The following EPHB1 variants were observed in gnomAD, a reference collection of about 807,000 sequenced individuals.
EPHB1 encodes ephrin type-B receptor 1.
In EPHB1, 30 loss-of-function variants were observed where a neutral mutation model predicts 94.4. The ratio of observed to expected loss-of-function variants is 0.32; its 90% CI spans 0.24 to 0.43. The LOEUF is 0.43. Among genes scored for constraint, EPHB1 ranks in the 20% least tolerant of loss-of-function variants. The probability of loss-of-function intolerance (pLI) is 1.00; values close to 1 mark genes in which losing one functional copy is unlikely to be tolerated. For synonymous variants in EPHB1, 522 were observed against 489.1 expected, an observed-to-expected ratio of 1.07 and a Z score of -0.89; for missense variants, 1,055 against 1,308.3, an observed-to-expected ratio of 0.81 and a Z score of 2.99.
intron 3 of EPHB1, among the ~76,000 whole-genome samples, chr3:134,955,075 T>C (rs1284291293): frequency 7.5e-5 from 2 of 26,648 alleles, no homozygotes; most frequent in Non-Finnish European, 1.3e-4. Flanking sequence ...TCCTTTCTTT[T>C]TTTTTTTTTT....
chr3:135,009,808 A>G (rs1935557013), intron 3 of EPHB1, among the ~76,000 whole-genome samples: 1 of 152,264 alleles, frequency 6.6e-6, no homozygotes. Flanking sequence ...AGCATTATTT[A>G]AATCTGTTCT....
intron 6 of EPHB1, among the ~76,000 whole-genome samples, chr3:135,154,887 G>A (rs1044257930): frequency 1.1e-4 from 16 of 152,216 alleles, no homozygotes; most frequent in Admixed American, 4.6e-4. Context: ...GCCTGGTGGA[G>A]CTGGTCCCTG....
intron 11 of EPHB1, among the ~76,000 whole-genome samples, chr3:135,200,545 G>A (rs1169398341): frequency 6.6e-6 from 1 of 152,156 alleles, no homozygotes; most frequent in Admixed American, 6.5e-5. Context: ...TTGGAAAGAG[G>A]AAAAGATGTA....
intron 1 of EPHB1, among the ~76,000 whole-genome samples, chr3:134,921,241 C>T (rs1409303648): frequency 6.6e-6 from 1 of 152,142 alleles, no homozygotes; most frequent in African/African-American, 2.4e-5. Flanking sequence ...CCCACTGTTG[C>T]TTTTAGGAGT....
intron 3 of EPHB1, among the ~76,000 whole-genome samples, chr3:135,046,734 C>A (rs1302078935): frequency 6.6e-6 from 1 of 152,198 alleles, no homozygotes; most frequent in Non-Finnish European, 1.5e-5. Context: ...ATTCTGATGT[C>A]CCCTAAAGTT....
chr3:135,242,016 C>T (rs189741100), intron 13 of EPHB1, among the ~76,000 whole-genome samples: 605 of 152,280 alleles, frequency 4.0e-3, no homozygotes, highest in African/African-American at 0.014. Context: ...TAAATAGAGG[C>T]TTTTTGGAAT....
chr3:135,049,967 G>A (rs1937122213), intron 3 of EPHB1, among the ~76,000 whole-genome samples: 1 of 152,164 alleles, frequency 6.6e-6, no homozygotes, highest in East Asian at 1.9e-4. Flanking sequence ...GGTACCCCGG[G>A]ACCCTGAGGA....
intron 2 of EPHB1, among the ~76,000 whole-genome samples, chr3:134,932,025 GTGTT>G (rs1290177954): frequency 6.7e-6 from 1 of 148,928 alleles, no homozygotes; most frequent in Non-Finnish European, 1.5e-5. Flanking sequence ...GTATGTGTGT[GTGTT>G]TGTGTGTGTG....
intron 1 of EPHB1, among the ~76,000 whole-genome samples, chr3:134,891,960 G>A (rs540167730): frequency 2.4e-4 from 37 of 152,310 alleles, no homozygotes; most frequent in Admixed American, 2.0e-3. Flanking sequence ...TCCTACTGTA[G>A]CTCATATCAT....
At chr3:134,914,486 G>A (rs529364761) in intron 1 of EPHB1, among the ~76,000 whole-genome samples, 2 of 152,276 alleles carry the variant, frequency 1.3e-5, no homozygotes, top group East Asian at 3.9e-4. Flanking sequence ...TCACACCCAA[G>A]GCTATCAGAT....
chr3:134,828,732 G>A (rs62272419), intron 1 of EPHB1, among the ~76,000 whole-genome samples: 1 of 152,214 alleles, frequency 6.6e-6, no homozygotes, highest in African/African-American at 2.4e-5. Context: ...GCAGGCCAGG[G>A]AAGGGGTCTA....
chr3:135,030,768 T>A (rs368534410), intron 3 of EPHB1, among the ~76,000 whole-genome samples: 5 of 152,204 alleles, frequency 3.3e-5, no homozygotes, highest in Non-Finnish European at 5.9e-5. Flanking sequence ...CAAGCTTCCC[T>A]GCTGCTTTGT....
intron 3 of EPHB1, among the ~76,000 whole-genome samples, chr3:135,056,534 G>A (rs944890926): frequency 6.6e-5 from 10 of 152,230 alleles, no homozygotes; most frequent in Middle Eastern, 3.2e-3. Flanking sequence ...CACTGGCATG[G>A]AGACTCACTC....
Position 135,256,050 on chromosome 3 carries a change from C to T in EPHB1, c.2847-2962C>T, listed in dbSNP as rs1228062559. Reference sequence around the variant, plus strand: ...AGACTAGGATTGCAACCCCTGCCTTCTTTTGTTTTCCATTTGCTTGGTAGA... The same window carrying T: ...AGACTAGGATTGCAACCCCTGCCTTTTTTTGTTTTCCATTTGCTTGGTAGA... On this transcript the variant is annotated intron_variant, in intron 15 of 15. Coordinates refer to ENST00000398015, the MANE Select transcript of EPHB1 (RefSeq NM_004441.5). Among the ~76,000 whole-genome samples, 19 of 151,504 alleles carry T rather than the reference C, an allele frequency of 1.3e-4. No individual in the cohort carries two copies. The South Asian group carries it at 2.1e-3, about 17-fold the overall frequency.
At chr3:134,900,902 CT>C (rs2038186963) in intron 1 of EPHB1, among the ~76,000 whole-genome samples, 1 of 152,058 alleles carries the variant, frequency 6.6e-6, no homozygotes, top group African/African-American at 2.4e-5. Context: ...CATTTATGTC[CT>C]CACATAGCAT....
intron 3 of EPHB1, 128 bp downstream of exon 3, chr3:134,952,180 A>C: frequency 1.0e-6 from 1 of 978,030 alleles, no homozygotes; most frequent in South Asian, 1.8e-5. Flanking sequence ...AGCTCTGAGG[A>C]CTCCCATTCC....
intron 3 of EPHB1, among the ~76,000 whole-genome samples, chr3:135,078,367 T>C (rs1366929956): frequency 6.6e-6 from 1 of 152,186 alleles, no homozygotes; most frequent in Non-Finnish European, 1.5e-5. Context: ...AGAGGAACCA[T>C]GCTGGGCAGG....
intron 5 of EPHB1, among the ~76,000 whole-genome samples, chr3:135,141,605 G>T (rs534621729): frequency 6.6e-6 from 1 of 152,328 alleles, no homozygotes; most frequent in Admixed American, 6.5e-5. Context: ...TAGAAGGACA[G>T]TGAGGTCCTG....
intron 11 of EPHB1, among the ~76,000 whole-genome samples, chr3:135,195,604 G>A (rs959175014): frequency 3.4e-5 from 5 of 147,514 alleles, no homozygotes; most frequent in Middle Eastern, 3.4e-3. Context: ...TTGTTCTCCC[G>A]ATAGTTTACT....
Sources: allele counts gnomAD v4.1 joint callset (sites outside exome capture counted in the v4.1 genomes callset), GRCh38; gene constraint gnomAD v4.1.1; transcripts MANE v1.5; gene names NCBI Gene and HGNC (gene_info 2026-07-23, HGNC 2026-07-21).